The following RORA variants were observed in gnomAD, a reference collection of about 807,000 sequenced individuals.
RORA encodes RAR related orphan receptor A, also known as nuclear receptor ROR-alpha.
RORA carries 7 observed loss-of-function variants against 69.5 expected under a neutral mutation model. The ratio of observed to expected loss-of-function variants is 0.10; its 90% CI spans 0.06 to 0.19. The LOEUF is 0.19. Ranked by LOEUF, RORA falls within the 10% of genes least tolerant of loss-of-function variation. The pLI is 1.00. For missense variants in RORA, 457 were observed against 663.0 expected, an observed-to-expected ratio of 0.69 and a Z score of 3.41; for synonymous variants, 261 against 240.8, an observed-to-expected ratio of 1.08 and a Z score of -0.78.
At chr15:61,063,012 C>T (rs1274422670) in intron 1 of RORA, among the ~76,000 whole-genome samples, 4 of 152,058 alleles carry the variant, frequency 2.6e-5, no homozygotes, top group African/African-American at 9.7e-5. Flanking sequence ...AAGAAAAGAT[C>T]ACAATATAAG....
chr15:60,498,675 A>T (rs1595862721), intron 10 of RORA, among the ~76,000 whole-genome samples: 1 of 152,314 alleles, frequency 6.6e-6, no homozygotes, highest in Non-Finnish European at 1.5e-5. Flanking sequence ...TGCTGTTTAT[A>T]ATCAGAGATC....
At chr15:61,182,284 C>T (rs1195870014) in intron 1 of RORA, among the ~76,000 whole-genome samples, 2 of 152,214 alleles carry the variant, frequency 1.3e-5, no homozygotes, top group Non-Finnish European at 2.9e-5. Context: ...GGTCACACAG[C>T]TCAGTATCAT....
At chr15:61,167,854 C>T (rs1189410401) in intron 1 of RORA, among the ~76,000 whole-genome samples, 2 of 152,188 alleles carry the variant, frequency 1.3e-5, no homozygotes, top group Admixed American at 1.3e-4. Context: ...CTACACAGTC[C>T]CTGTATTACA....
At chr15:60,639,721 C>A (rs972022971) in intron 2 of RORA, among the ~76,000 whole-genome samples, 2 of 152,168 alleles carry the variant, frequency 1.3e-5, no homozygotes, top group African/African-American at 2.4e-5. Context: ...GGGCTCCTGT[C>A]TCTCATAGTT....
At chr15:61,167,766 T>C (rs554481855) in intron 1 of RORA, among the ~76,000 whole-genome samples, 1 of 152,196 alleles carries the variant, frequency 6.6e-6, no homozygotes, top group Non-Finnish European at 1.5e-5. Flanking sequence ...GTTAGGTCCT[T>C]CATAATCTGT....
At chr15:60,608,256 T>C (rs2068998897) in intron 2 of RORA, among the ~76,000 whole-genome samples, 1 of 152,236 alleles carries the variant, frequency 6.6e-6, no homozygotes, top group African/African-American at 2.4e-5. Context: ...ACTCCACATA[T>C]TGTCCTGGAT....
At chr15:61,062,057 C>T (rs895909989) in intron 1 of RORA, among the ~76,000 whole-genome samples, 1 of 151,902 alleles carries the variant, frequency 6.6e-6, no homozygotes, top group Non-Finnish European at 1.5e-5. Context: ...AACAAGACTC[C>T]GTCTCAAAAA....
intron 2 of RORA, among the ~76,000 whole-genome samples, chr15:60,591,437 C>T (rs1199165628): frequency 6.6e-6 from 1 of 152,206 alleles, no homozygotes; most frequent in African/African-American, 2.4e-5. Flanking sequence ...TCAGAAAGTT[C>T]CCTGACTTGC....
intron 1 of RORA, among the ~76,000 whole-genome samples, chr15:60,888,330 G>C (rs929413630): frequency 6.6e-6 from 1 of 152,138 alleles, no homozygotes. Flanking sequence ...GCAGCAGGCC[G>C]GTGGGCCTGG....
chr15:60,549,738 T>G (rs2067176921), intron 2 of RORA, among the ~76,000 whole-genome samples: 1 of 152,156 alleles, frequency 6.6e-6, no homozygotes, highest in Non-Finnish European at 1.5e-5. Context: ...AACGTCACTC[T>G]CCACCCCCTC....
At chr15:60,843,893 C>T (rs903617022) in intron 1 of RORA, among the ~76,000 whole-genome samples, 3 of 152,208 alleles carry the variant, frequency 2.0e-5, no homozygotes, top group Non-Finnish European at 4.4e-5. Flanking sequence ...TGCACTAAGT[C>T]CTTCCTCAGC....
intron 1 of RORA, among the ~76,000 whole-genome samples, chr15:61,051,344 G>A (rs1188800858): frequency 6.6e-6 from 1 of 152,146 alleles, no homozygotes; most frequent in African/African-American, 2.4e-5. Flanking sequence ...TCCCCCTAGG[G>A]GGTGAGGCAG....
chr15:60,898,594 G>A (rs1010561024), intron 1 of RORA, among the ~76,000 whole-genome samples: 5 of 151,910 alleles, frequency 3.3e-5, no homozygotes, highest in African/African-American at 7.3e-5. Flanking sequence ...AGCTACCCTG[G>A]AGGCTGAGGC....
At chr15:60,723,153 G>T (rs763931840) in intron 1 of RORA, among the ~76,000 whole-genome samples, 6 of 152,008 alleles carry the variant, frequency 3.9e-5, no homozygotes, top group Non-Finnish European at 8.8e-5. Flanking sequence ...GATACATAGG[G>T]ACTCCTTATC....
At chr15:60,763,228 C>T (rs1269387104) in intron 1 of RORA, among the ~76,000 whole-genome samples, 1 of 151,932 alleles carries the variant, frequency 6.6e-6, no homozygotes, top group African/African-American at 2.4e-5. Flanking sequence ...GAAAAGACAG[C>T]AAGCATCATC....
intron 2 of RORA, among the ~76,000 whole-genome samples, chr15:60,666,713 C>T (rs1160634059): frequency 6.6e-6 from 1 of 152,152 alleles, no homozygotes; most frequent in Admixed American, 6.5e-5. Flanking sequence ...AAACAAGATA[C>T]TACAGATACA....
chr15:61,049,448 A>C (rs1340417056), intron 1 of RORA, among the ~76,000 whole-genome samples: 3 of 152,166 alleles, frequency 2.0e-5, no homozygotes, highest in Non-Finnish European at 4.4e-5. Flanking sequence ...GAAAATAATA[A>C]TACTATAAAT....
At chr15:61,188,062 T>C (rs1160133473) in intron 1 of RORA, among the ~76,000 whole-genome samples, 1 of 152,134 alleles carries the variant, frequency 6.6e-6, no homozygotes, top group Non-Finnish European at 1.5e-5. Flanking sequence ...TCACCACAGC[T>C]TTTCTTTTAG....
chr15:60,788,536 C>T (rs543558720), intron 1 of RORA, among the ~76,000 whole-genome samples: 4 of 152,234 alleles, frequency 2.6e-5, no homozygotes, highest in Admixed American at 2.0e-4. Flanking sequence ...CTACTAATCA[C>T]GGTGTTGCTG....
Sources: allele counts gnomAD v4.1 joint callset (sites outside exome capture counted in the v4.1 genomes callset), GRCh38; gene constraint gnomAD v4.1.1; transcripts MANE v1.5; gene names NCBI Gene and HGNC (gene_info 2026-07-23, HGNC 2026-07-21).